Variants in KLF8 observed in about 807,000 individuals in gnomAD.
KLF8 encodes Krueppel-like factor 8.
A neutral mutation model predicts 18.2 loss-of-function variants in KLF8; 10 were observed. The ratio of observed to expected loss-of-function variants is 0.55; its 90% CI spans 0.34 to 0.93. The LOEUF is 0.93. KLF8 is among the 40% of genes least tolerant of loss of function. The pLI is 0.02. For synonymous variants in KLF8, 109 were observed against 97.3 expected (o/e 1.12, Z -0.71); for missense variants, 264 against 277.9 (o/e 0.95, Z 0.36).
intron 3 of KLF8, chrX:56,268,800 G>T (rs901830873): frequency 1.2e-6 from 1 of 805,762 alleles, no homozygotes; most frequent in African/African-American, 2.2e-5. Flanking sequence ...ATCAGGGGTT[G>T]ATAATAAGGA....
the KLF8 span, among the ~76,000 whole-genome samples, chrX:56,098,519 G>A: frequency 9.0e-6 from 1 of 110,873 alleles, no homozygotes; most frequent in South Asian, 3.8e-4. Context: ...ATGACATTTG[G>A]CAAAATTAAG....
At chrX:56,187,964 A>C in the KLF8 span, among the ~76,000 whole-genome samples, 2 of 111,983 alleles carry the variant, frequency 1.8e-5, no homozygotes, top group Non-Finnish European at 3.8e-5. Context: ...AAACGGGCAC[A>C]AGACAGTGAT....
chrX:56,219,731 A>G, the KLF8 span, among the ~76,000 whole-genome samples: 1 of 111,571 alleles, frequency 9.0e-6, no homozygotes, highest in Admixed American at 9.5e-5. Context: ...ACGTGCCTGT[A>G]ATCCCAGCTA....
chrX:55,944,725 T>C, the KLF8 span, among the ~76,000 whole-genome samples: 1 of 111,654 alleles, frequency 9.0e-6, no homozygotes, highest in Non-Finnish European at 1.9e-5. Context: ...CTCTCTTTTC[T>C]TCTTTCTTAG....
the KLF8 span, among the ~76,000 whole-genome samples, chrX:56,108,429 C>T: frequency 3.2e-3 from 353 of 111,722 alleles, 4 homozygotes; most frequent in African/African-American, 0.011. Flanking sequence ...TGGATTTTGT[C>T]AAATGCTGTT....
the KLF8 span, among the ~76,000 whole-genome samples, chrX:56,049,581 G>A: frequency 4.1e-4 from 42 of 103,219 alleles, no homozygotes; most frequent in East Asian, 1.2e-3. Flanking sequence ...ATTGATTTGC[G>A]TATATTGAAC....
the KLF8 span, among the ~76,000 whole-genome samples, chrX:55,955,879 T>C: frequency 9.0e-6 from 1 of 111,645 alleles, no homozygotes; most frequent in African/African-American, 3.2e-5. Flanking sequence ...GTTTTTATTT[T>C]ATTCCAATGA....
chrX:56,132,427 C>A, the KLF8 span, among the ~76,000 whole-genome samples: 2 of 111,110 alleles, frequency 1.8e-5, no homozygotes, highest in African/African-American at 3.3e-5. Context: ...TACAAAAATT[C>A]TTTGAATTGA....
intron 1 of KLF8, among the ~76,000 whole-genome samples, chrX:56,240,087 T>C (rs188901579): frequency 6.2e-5 from 7 of 112,684 alleles, no homozygotes; most frequent in African/African-American, 2.3e-4. Context: ...TTCTTGTTTG[T>C]TAAACTAGTT....
chrX:56,057,167 G>C, the KLF8 span, among the ~76,000 whole-genome samples: 18 of 111,833 alleles, frequency 1.6e-4, no homozygotes, highest in African/African-American at 5.2e-4. Context: ...GCTCTGGGGG[G>C]CGTAGGTCTG....
At chrX:56,100,919 G>T in the KLF8 span, among the ~76,000 whole-genome samples, 2 of 111,751 alleles carry the variant, frequency 1.8e-5, no homozygotes, top group Non-Finnish European at 3.8e-5. Flanking sequence ...ATGATTTTTA[G>T]TATATTCACA....
the KLF8 span, among the ~76,000 whole-genome samples, chrX:55,987,045 A>G: frequency 9.0e-6 from 1 of 110,990 alleles, no homozygotes; most frequent in African/African-American, 3.3e-5. Flanking sequence ...GGTTGATTCC[A>G]TGTTTTTGCT....
the KLF8 span, among the ~76,000 whole-genome samples, chrX:55,924,999 G>T: frequency 6.7e-5 from 7 of 104,328 alleles, no homozygotes; most frequent in African/African-American, 2.5e-4. Flanking sequence ...GGGATTACAG[G>T]CATCTGCCAC....
chrX:55,986,362 A>G, the KLF8 span, among the ~76,000 whole-genome samples: 4 of 112,345 alleles, frequency 3.6e-5, no homozygotes, highest in Non-Finnish European at 5.6e-5. Context: ...GTTAATTTTT[A>G]TCAAAGGTTT....
chrX:56,131,393 T>A, the KLF8 span, among the ~76,000 whole-genome samples: 1 of 111,482 alleles, frequency 9.0e-6, no homozygotes, highest in Non-Finnish European at 1.9e-5. Flanking sequence ...GAAAATAAGC[T>A]TCATAAATGA....
chrX:55,965,854 A>G, the KLF8 span, among the ~76,000 whole-genome samples: 1 of 112,226 alleles, frequency 8.9e-6, no homozygotes, highest in African/African-American at 3.2e-5. Context: ...TACAATTAGA[A>G]TTGCAAAACA....
At chrX:56,186,386 G>A in the KLF8 span, among the ~76,000 whole-genome samples, 2 of 111,723 alleles carry the variant, frequency 1.8e-5, no homozygotes, top group Non-Finnish European at 3.8e-5. Flanking sequence ...CAAGTCCTGA[G>A]TGACCTACAA....
the KLF8 span, among the ~76,000 whole-genome samples, chrX:56,068,492 C>T: frequency 5.3e-5 from 6 of 112,205 alleles, no homozygotes; most frequent in Non-Finnish European, 1.1e-4. Flanking sequence ...TCTGTGTGAA[C>T]TCAGCTGGAG....
the KLF8 span, among the ~76,000 whole-genome samples, chrX:56,007,211 C>A: frequency 9.0e-6 from 1 of 111,531 alleles, no homozygotes; most frequent in African/African-American, 3.3e-5. Context: ...TGTTGCATTC[C>A]TCTGAGTGGG....
Sources: allele counts gnomAD v4.1 joint callset (sites outside exome capture counted in the v4.1 genomes callset), GRCh38; gene constraint gnomAD v4.1.1; transcripts MANE v1.5; gene names NCBI Gene and HGNC (gene_info 2026-07-23, HGNC 2026-07-21).